Variants in TENM2 observed in about 807,000 individuals in gnomAD.
TENM2 encodes teneurin-2.
TENM2 carries 52 observed loss-of-function variants against 245.2 expected under a neutral mutation model. The observed-to-expected ratio is 0.21, with a 90% CI of 0.17 to 0.27. The LOEUF (loss-of-function observed/expected upper bound fraction) is 0.27, where lower values mean the gene tolerates loss of function less well. Among genes scored for constraint, TENM2 ranks in the 10% least tolerant of loss-of-function variants. TENM2 has a pLI of 1.00. For missense variants in TENM2, 3,046 were observed against 3,666.8 expected (o/e 0.83, Z 4.37); for synonymous variants, 1,363 against 1,438.9 (o/e 0.95, Z 1.19).
chr5:167,083,555 C>A, the TENM2 span, among the ~76,000 whole-genome samples: 1 of 152,132 alleles, frequency 6.6e-6, no homozygotes, highest in Admixed American at 6.6e-5. Flanking sequence ...AGATGTATGA[C>A]CTTAAATGAG....
At chr5:167,342,474 C>T (rs1169610242) in intron 1 of TENM2, among the ~76,000 whole-genome samples, 4 of 133,360 alleles carry the variant, frequency 3.0e-5, no homozygotes, top group African/African-American at 8.4e-5. Context: ...TGACTGCGGT[C>T]GGGTTTTCAG....
chr5:167,571,597 C>G (rs531971075), intron 2 of TENM2, among the ~76,000 whole-genome samples: 1 of 152,052 alleles, frequency 6.6e-6, no homozygotes, highest in Non-Finnish European at 1.5e-5. Context: ...ACTAAGGAAG[C>G]GGTAAAAATA....
chr5:167,309,237 G>A lies in TENM2; in HGVS notation c.226+24174G>A, dbSNP rs72645740. Among the ~76,000 whole-genome samples, 2,935 of 152,142 alleles carry A rather than the reference G, an allele frequency of 0.019. 194 individuals are homozygous for A. The East Asian group carries it at 0.21, about 11-fold the overall frequency. On this transcript the variant is annotated intron_variant, in intron 1 of 28. Coordinates refer to ENST00000518659, the Ensembl canonical transcript of TENM2. ...AAGAATGGAAAGAACAAAGATGGCCGCTCTCCCTTTCTCTGACCCCACTGG... is the reference window on the plus strand; with the variant it reads ...AAGAATGGAAAGAACAAAGATGGCCACTCTCCCTTTCTCTGACCCCACTGG...
chr5:167,031,443 T>C, the TENM2 span, among the ~76,000 whole-genome samples: 2 of 152,158 alleles, frequency 1.3e-5, no homozygotes, highest in Non-Finnish European at 2.9e-5. Context: ...GAGTCAGTAG[T>C]TGGTTCTGAA....
At position 168,190,639 on chromosome 5, in the gene TENM2, A is replaced by G. The variant is rs997749773; in HGVS notation, c.2780+92A>G. ...GTTCTCCAGCTTTCCCGGGGACCCA[A>G]TTGGCCTGGAATCTGCCCCCCTAGA... On this transcript the variant is annotated intron_variant, in intron 14 of 28. Transcript: ENST00000518659. The G allele has an allele frequency of 7.6e-5, 89 of 1,173,526 alleles. 2 individuals carry two copies. Among genetic ancestry groups the G allele is most frequent in the East Asian group, 5.9e-4 (23 of 39,196 alleles). 72.7% of individuals were successfully genotyped at this position (1,173,526 alleles called of 1,614,324 possible).
At chr5:167,101,857 A>T in the TENM2 span, among the ~76,000 whole-genome samples, 5 of 124,758 alleles carry the variant, frequency 4.0e-5, no homozygotes, top group Admixed American at 3.6e-4. Flanking sequence ...ATTTATATAT[A>T]TATATATATA....
intron 12 of TENM2, among the ~76,000 whole-genome samples, chr5:168,147,975 A>G (rs2152417966): frequency 6.6e-6 from 1 of 152,330 alleles, no homozygotes; most frequent in East Asian, 1.9e-4. Flanking sequence ...ATAGCAGAGG[A>G]AGATGAAACT....
the TENM2 span, among the ~76,000 whole-genome samples, chr5:167,003,751 T>C: frequency 6.6e-6 from 1 of 152,190 alleles, no homozygotes; most frequent in Non-Finnish European, 1.5e-5. Flanking sequence ...TATAGTAAAA[T>C]GTAGTGACTA....
chr5:167,330,887 A>T (rs192911825), intron 1 of TENM2, among the ~76,000 whole-genome samples: 2 of 152,242 alleles, frequency 1.3e-5, no homozygotes, highest in Non-Finnish European at 2.9e-5. Context: ...TGATGCGTAG[A>T]CATAAGTTTT....
intron 2 of TENM2, among the ~76,000 whole-genome samples, chr5:167,445,772 G>T (rs1432602740): frequency 1.3e-5 from 2 of 152,092 alleles, no homozygotes; most frequent in East Asian, 3.9e-4. Flanking sequence ...TTTTGGCTGG[G>T]ACATCCCTCA....
intron 2 of TENM2, among the ~76,000 whole-genome samples, chr5:167,511,882 C>T (rs1769979386): frequency 6.6e-6 from 1 of 152,156 alleles, no homozygotes; most frequent in African/African-American, 2.4e-5. Context: ...ACCTTTATTT[C>T]CCCAAGAGAA....
At chr5:167,644,822 G>A (rs1019455900) in intron 2 of TENM2, among the ~76,000 whole-genome samples, 5 of 152,164 alleles carry the variant, frequency 3.3e-5, no homozygotes, top group African/African-American at 1.2e-4. Context: ...GGTACTCAGT[G>A]ACGTACAGTC....
At chr5:167,848,505 C>G (rs73803238) in intron 2 of TENM2, among the ~76,000 whole-genome samples, 2,758 of 152,166 alleles carry the variant, frequency 0.018, 96 homozygotes, top group African/African-American at 0.062. Context: ...ACACATATAT[C>G]TATATGCCAA....
the TENM2 span, among the ~76,000 whole-genome samples, chr5:167,213,241 G>C: frequency 1.1e-4 from 16 of 152,262 alleles, no homozygotes; most frequent in Admixed American, 2.0e-4. Context: ...GTCATTAAAC[G>C]ATGTCTCAGC....
intron 13 of TENM2, among the ~76,000 whole-genome samples, chr5:168,172,097 G>A (rs193213898): frequency 2.4e-4 from 37 of 152,338 alleles, no homozygotes; most frequent in Admixed American, 2.3e-3. Flanking sequence ...AAGCATTCAC[G>A]AGTCATGGTG....
chr5:167,787,544 C>G (rs1764667986), intron 2 of TENM2, among the ~76,000 whole-genome samples: 1 of 152,176 alleles, frequency 6.6e-6, no homozygotes, highest in African/African-American at 2.4e-5. Context: ...CATTTCCCAC[C>G]TGGAAGCTCC....
At chr5:168,078,993 G>T (rs1225182845) in intron 7 of TENM2, among the ~76,000 whole-genome samples, 1 of 152,092 alleles carries the variant, frequency 6.6e-6, no homozygotes, top group Non-Finnish European at 1.5e-5. Context: ...TGATGGGAAT[G>T]GCATTGAATC....
rs148766776 is a variant in TENM2, at chr5:168,104,950, G to A, written c.1813+6823G>A. On this transcript the variant is annotated intron_variant, in intron 9 of 28. Transcript: ENST00000518659. Reference sequence around the variant, plus strand: ...AGAGCCAGACTAGAGGGAGGAGCGAGGGAACCACAGGCTCTGCCTTCTGAG... The same window carrying A: ...AGAGCCAGACTAGAGGGAGGAGCGAAGGAACCACAGGCTCTGCCTTCTGAG... 8.7e-3 allele frequency among the ~76,000 whole-genome samples: 1,320 copies of A among 152,240 alleles called. 16 individuals carry two copies. Among genetic ancestry groups the A allele is most frequent in the African/African-American group, 0.03 (1,255 of 41,546 alleles).
the TENM2 span, among the ~76,000 whole-genome samples, chr5:167,227,733 AAG>A: frequency 6.6e-6 from 1 of 152,254 alleles, no homozygotes; most frequent in South Asian, 2.1e-4. Context: ...TGCCATGAAG[AAG>A]ATCTTTTTGC....
Sources: allele counts gnomAD v4.1 joint callset (sites outside exome capture counted in the v4.1 genomes callset), GRCh38; gene constraint gnomAD v4.1.1; transcripts MANE v1.5; gene names NCBI Gene and HGNC (gene_info 2026-07-23, HGNC 2026-07-21).